RAPGEF4: variants seen among roughly 807,000 people sequenced by gnomAD.
The protein encoded by RAPGEF4 is Rap guanine nucleotide exchange factor 4.
RAPGEF4 carries 66 observed loss-of-function variants against 147.9 expected under a neutral mutation model. That is an observed-to-expected ratio of 0.45 (90% CI 0.37 to 0.55). RAPGEF4 has a LOEUF of 0.55. Among genes scored for constraint, RAPGEF4 ranks in the 20% least tolerant of loss-of-function variants. The pLI is 0.00. For synonymous variants in RAPGEF4, 419 were observed against 442.7 expected (o/e 0.95, Z 0.67); for missense variants, 1,071 against 1,257.3 (o/e 0.85, Z 2.24).
chr2:173,023,420 T>G (rs1198462511), intron 23 of RAPGEF4, among the ~76,000 whole-genome samples: 1 of 152,160 alleles, frequency 6.6e-6, no homozygotes, highest in Non-Finnish European at 1.5e-5. Flanking sequence ...GTAGGACATT[T>G]CCACAGGGCT....
At chr2:172,768,932 A>T (rs1317314053) in intron 1 of RAPGEF4, among the ~76,000 whole-genome samples, 2 of 152,256 alleles carry the variant, frequency 1.3e-5, no homozygotes, top group African/African-American at 2.4e-5. Flanking sequence ...GTACTCTCAC[A>T]GAGAACTGAA....
At chr2:172,924,849 A>C (rs2553007) in intron 6 of RAPGEF4, among the ~76,000 whole-genome samples, 9,012 of 152,274 alleles carry the variant, frequency 0.059, 417 homozygotes, top group South Asian at 0.15. Context: ...AAAAACATTT[A>C]GACTATTGTT....
chr2:172,761,420 G>A (rs1310412314), intron 1 of RAPGEF4, among the ~76,000 whole-genome samples: 1 of 152,096 alleles, frequency 6.6e-6, no homozygotes, highest in Non-Finnish European at 1.5e-5. Context: ...GGGATTACAG[G>A]CGTGAGCCAC....
chr2:172,888,638 T>A (rs1224881698), intron 4 of RAPGEF4, among the ~76,000 whole-genome samples: 1 of 152,240 alleles, frequency 6.6e-6, no homozygotes, highest in African/African-American at 2.4e-5. Flanking sequence ...CAGCCCCAAA[T>A]ACTGTCTTTA....
At chr2:173,047,807 G>C (rs977047631) in intron 29 of RAPGEF4, among the ~76,000 whole-genome samples, 1 of 152,058 alleles carries the variant, frequency 6.6e-6, no homozygotes, top group African/African-American at 2.4e-5. Context: ...CTCCCAAGTA[G>C]CTGGGACTAC....
rs1689747522 is a variant in RAPGEF4, at chr2:172,965,613, A to G, written c.750A>G (p.Pro250=). Residue 250 remains proline (P), a synonymous_variant, in exon 9 of 31, where the codon CCA becomes CCG. Transcript: ENST00000397081. ...TGGACTGGATGATGCAGCAGACACCATGTGTTCACTCCCGGACTCAAGCTG... is the reference window on the plus strand; with the variant it reads ...TGGACTGGATGATGCAGCAGACACCGTGTGTTCACTCCCGGACTCAAGCTG... ...ELVDWMMQQT[P]CVHSRTQAVG... is the part of the protein sequence containing the mutation. 7 of 1,613,920 alleles carry G rather than the reference A, an allele frequency of 4.3e-6. No homozygotes were observed. In the East Asian group the frequency reaches 8.9e-5, roughly 21 times the overall value.
At chr2:172,960,311 G>A (rs12467354) in intron 6 of RAPGEF4, among the ~76,000 whole-genome samples, 3,959 of 152,210 alleles carry the variant, frequency 0.026, 70 homozygotes, top group South Asian at 0.058. Flanking sequence ...ACAAATTGCA[G>A]AAAAAGAATC....
intron 1 of RAPGEF4, among the ~76,000 whole-genome samples, chr2:172,742,136 G>A (rs767188841): frequency 1.2e-4 from 18 of 152,176 alleles, no homozygotes; most frequent in Non-Finnish European, 2.4e-4. Flanking sequence ...CTAAAAGGTA[G>A]TGACTTTTTA....
At chr2:172,954,152 G>A (rs553999269) in intron 6 of RAPGEF4, among the ~76,000 whole-genome samples, 2 of 152,290 alleles carry the variant, frequency 1.3e-5, no homozygotes, top group African/African-American at 4.8e-5. Context: ...TGGGTGCCCA[G>A]CTGAAAACGC....
chr2:173,013,341 G>A (rs979640112), intron 17 of RAPGEF4, among the ~76,000 whole-genome samples: 1 of 152,116 alleles, frequency 6.6e-6, no homozygotes, highest in Non-Finnish European at 1.5e-5. Flanking sequence ...TCTTGCATTC[G>A]CAACCTCTGC....
intron 15 of RAPGEF4, among the ~76,000 whole-genome samples, chr2:172,995,405 A>T (rs2105765743): frequency 6.6e-6 from 1 of 151,842 alleles, no homozygotes; most frequent in East Asian, 1.9e-4. Context: ...TCAGCCTCCT[A>T]ACTAGCTGGG....
At chr2:172,796,034 G>A (rs978851132) in intron 2 of RAPGEF4, among the ~76,000 whole-genome samples, 1 of 152,186 alleles carries the variant, frequency 6.6e-6, no homozygotes, top group Admixed American at 6.5e-5. Context: ...GGCCAGAAAT[G>A]CATCACATGC....
rs117977513 is a variant in RAPGEF4, at chr2:172,783,617, T to C, written c.66-11408T>C. Among the ~76,000 whole-genome samples, 355 of 152,246 alleles carry C rather than the reference T, an allele frequency of 2.3e-3. 3 individuals carry two copies. The East Asian group carries it at 0.025, about 11-fold the overall frequency. On this transcript the variant is annotated intron_variant, in intron 1 of 30. Coordinates refer to ENST00000397081, the MANE Select transcript of RAPGEF4 (RefSeq NM_007023.4). ...GTTTTTTTCTGAGAGTCACCCTGAA[T>C]ACTGACAAAGTCAAGAGCCTCAGCC...
At chr2:173,049,659 A>G (rs961428565) in intron 30 of RAPGEF4, among the ~76,000 whole-genome samples, 1 of 152,200 alleles carries the variant, frequency 6.6e-6, no homozygotes, top group African/African-American at 2.4e-5. Context: ...TTTTTAATGA[A>G]TAGGGAGGAA....
chr2:172,814,616 T>G, intron 4 of RAPGEF4, 191 bp downstream of exon 4: 1 of 643,084 alleles, frequency 1.6e-6, no homozygotes, highest in Non-Finnish European at 2.7e-6. Context: ...TCCTTTTTTT[T>G]GTTTAATTTA....
chr2:173,017,602 G>A, intron 21 of RAPGEF4, 98 bp downstream of exon 21: 1 of 1,187,394 alleles, frequency 8.4e-7, no homozygotes, highest in Admixed American at 2.1e-5. Context: ...TTCTTTTGAA[G>A]ATGCCCTGTT....
In RAPGEF4 at chr2:172,967,394, G is replaced by A. The variant is rs1270936470; in HGVS notation, c.954G>A (p.Leu318=). The change falls in exon 10 of 31, where the codon CTG becomes CTA. Residue 318 remains leucine (L), a synonymous_variant. Coordinates refer to ENST00000397081, the MANE Select transcript of RAPGEF4 (RefSeq NM_007023.4). ...AGGAGCTCCAGGACACCATGCTGCT[G>A]CTGTCACAGATGGGCCCCGACGCCC... ...CDEELQDTML[L]LSQMGPDAHM... 1 of 1,611,976 alleles carries A rather than the reference G, an allele frequency of 6.2e-7. No individual in the cohort carries two copies. The highest frequency in any genetic ancestry group is 8.5e-7 in the Non-Finnish European group (1 of 1,179,784).
At chr2:172,864,787 C>G (rs975251760) in intron 4 of RAPGEF4, among the ~76,000 whole-genome samples, 1 of 152,180 alleles carries the variant, frequency 6.6e-6, no homozygotes, top group African/African-American at 2.4e-5. Context: ...TGACTGTAGT[C>G]CCAGCTACTC....
At chr2:172,818,657 C>G (rs933404922) in intron 4 of RAPGEF4, among the ~76,000 whole-genome samples, 6 of 152,276 alleles carry the variant, frequency 3.9e-5, no homozygotes, top group African/African-American at 1.4e-4. Flanking sequence ...CTAGAACACT[C>G]CCATCAGGAT....
Sources: gnomAD v4.1 joint callset for allele counts (sites outside exome capture counted in the v4.1 genomes callset) on GRCh38, gnomAD v4.1.1 for gene constraint, MANE v1.5 for transcripts, NCBI Gene and HGNC (gene_info 2026-07-23, HGNC 2026-07-21) for gene names.